MCU: variants seen among roughly 807,000 people sequenced by gnomAD.
MCU encodes the protein mitochondrial calcium uniporter, also known as calcium uniporter protein, mitochondrial.
Under a neutral mutation model 45.2 loss-of-function variants are expected in MCU, and 12 were observed. The observed-to-expected ratio is 0.27, with a 90% CI of 0.17 to 0.43. The LOEUF (loss-of-function observed/expected upper bound fraction) is 0.43. Among genes scored for constraint, MCU ranks in the 20% least tolerant of loss-of-function variants. The pLI is 1.00. For missense variants in MCU, 324 were observed against 436.7 expected, an observed-to-expected ratio of 0.74 and a Z score of 2.30; for synonymous variants, 160 against 165.1, an observed-to-expected ratio of 0.97 and a Z score of 0.24.
At chr10:72,746,274 T>A (rs1679207213) in intron 1 of MCU, among the ~76,000 whole-genome samples, 1 of 152,248 alleles carries the variant, frequency 6.6e-6, no homozygotes, top group African/African-American at 2.4e-5. Context: ...CATAAAATAC[T>A]TGAATTATAG....
Position 72,870,256 on chromosome 10 carries a change from AT to A in MCU, c.658-1119del, listed in dbSNP as rs562454151. On this transcript the variant is annotated intron_variant, in intron 5 of 7. Transcript: ENST00000373053. ...ATAGAATATTTACTGTGTTTCATGA[AT>A]TGTGCTAGTATTTTACCTATATTTT... Among the ~76,000 whole-genome samples, 128 of 152,188 alleles carry A rather than the reference AT, an allele frequency of 8.4e-4. 1 individual carries two copies. Among genetic ancestry groups the A allele is most frequent in the Non-Finnish European group, 6.3e-4 (43 of 67,968 alleles).
Position 72,703,076 on chromosome 10 carries a change from C to T in MCU, c.150+10775C>T, listed in dbSNP as rs74321992. On this transcript the variant is annotated intron_variant, in intron 1 of 7. Transcript: ENST00000373053. ...GGGCAGCACCAATCTGACATGACCT[C>T]ATGAGGGAGTAAGATGTATTTGAGA... Among the ~76,000 whole-genome samples, 1,315 of 152,050 alleles carry T rather than the reference C, an allele frequency of 8.6e-3. 9 individuals carry two copies. Among genetic ancestry groups the T allele is most frequent in the East Asian group, 0.026 (134 of 5,172 alleles).
At chr10:72,793,799 G>A (rs565427927) in intron 1 of MCU, among the ~76,000 whole-genome samples, 1 of 152,168 alleles carries the variant, frequency 6.6e-6, no homozygotes, top group South Asian at 2.1e-4. Flanking sequence ...CGGGTGTGTT[G>A]CTTTTCATGA....
intron 4 of MCU, among the ~76,000 whole-genome samples, chr10:72,866,402 T>A (rs1845457333): frequency 2.0e-5 from 3 of 151,970 alleles, no homozygotes; most frequent in Admixed American, 2.0e-4. Context: ...ATACTAGGGT[T>A]TTTTTGTGTT....
At chr10:72,738,460 G>A (rs1361068947) in intron 1 of MCU, among the ~76,000 whole-genome samples, 1 of 152,178 alleles carries the variant, frequency 6.6e-6, no homozygotes, top group Non-Finnish European at 1.5e-5. Context: ...AAAACAAAGA[G>A]CCTTTCTAGA....
At chr10:72,830,180 G>GT (rs1223398706) in intron 1 of MCU, among the ~76,000 whole-genome samples, 1 of 152,158 alleles carries the variant, frequency 6.6e-6, no homozygotes, top group Non-Finnish European at 1.5e-5. Context: ...AAGTAGTTGA[G>GT]TGGGGTATAG....
chr10:72,711,147 CTACCT>C (rs1842888542), intron 1 of MCU, among the ~76,000 whole-genome samples: 1 of 150,490 alleles, frequency 6.6e-6, no homozygotes, highest in Non-Finnish European at 1.5e-5. Flanking sequence ...CCATTGCACT[CTACCT>C]GGCAACAAGA....
chr10:72,749,002 C>T (rs1843456354), intron 1 of MCU, among the ~76,000 whole-genome samples: 1 of 152,152 alleles, frequency 6.6e-6, no homozygotes, highest in African/African-American at 2.4e-5. Context: ...TGGCTCACGC[C>T]TATAATCCGA....
intron 4 of MCU, among the ~76,000 whole-genome samples, chr10:72,866,283 T>C (rs1350000640): frequency 6.6e-6 from 1 of 152,172 alleles, no homozygotes; most frequent in Non-Finnish European, 1.5e-5. Flanking sequence ...ATGACATTCA[T>C]TGAATAAGCA....
intron 2 of MCU, among the ~76,000 whole-genome samples, chr10:72,837,401 G>T (rs1410057595): frequency 1.3e-5 from 2 of 152,128 alleles, no homozygotes; most frequent in African/African-American, 4.8e-5. Flanking sequence ...TAAATGTTTA[G>T]AGTGTAAGCT....
intron 2 of MCU, among the ~76,000 whole-genome samples, chr10:72,853,005 A>T (rs917833800): frequency 6.6e-6 from 1 of 152,204 alleles, no homozygotes; most frequent in Non-Finnish European, 1.5e-5. Flanking sequence ...GATTCTCTAG[A>T]TCTGTCCTAA....
intron 1 of MCU, among the ~76,000 whole-genome samples, chr10:72,781,309 G>T (rs923111153): frequency 6.6e-6 from 1 of 152,110 alleles, no homozygotes; most frequent in Non-Finnish European, 1.5e-5. Context: ...TCTTAGCCTG[G>T]GCTGCATGCT....
chr10:72,808,785 G>T (rs550171131), intron 1 of MCU, among the ~76,000 whole-genome samples: 1 of 152,302 alleles, frequency 6.6e-6, no homozygotes, highest in South Asian at 2.1e-4. Flanking sequence ...GCAGGAGAGA[G>T]AGAATGTGAA....
intron 5 of MCU, among the ~76,000 whole-genome samples, chr10:72,870,231 A>G (rs928808028): frequency 6.6e-6 from 1 of 152,118 alleles, no homozygotes; most frequent in Non-Finnish European, 1.5e-5. Flanking sequence ...TCATTTATAG[A>G]TAGAATATTT....
intron 1 of MCU, among the ~76,000 whole-genome samples, chr10:72,764,927 T>C (rs991122037): frequency 2.6e-5 from 4 of 152,060 alleles, no homozygotes; most frequent in African/African-American, 9.7e-5. Context: ...ATACGACTTA[T>C]ATTGATGTGA....
intron 1 of MCU, among the ~76,000 whole-genome samples, chr10:72,696,545 C>G (rs1842690279): frequency 6.6e-6 from 1 of 151,964 alleles, no homozygotes; most frequent in Non-Finnish European, 1.5e-5. Flanking sequence ...GTCTTCTGTC[C>G]TCTCTGAATT....
chr10:72,828,875 C>T (rs1221553625), intron 1 of MCU, among the ~76,000 whole-genome samples: 7 of 152,086 alleles, frequency 4.6e-5, no homozygotes, highest in South Asian at 2.1e-4. Flanking sequence ...CTGTGGCAGA[C>T]GTTATACTTT....
chr10:72,809,098 A>G (rs1216670879), intron 1 of MCU, among the ~76,000 whole-genome samples: 1 of 152,214 alleles, frequency 6.6e-6, no homozygotes, highest in East Asian at 1.9e-4. Context: ...GTGCATTCTG[A>G]TGGATATATT....
chr10:72,803,136 G>T (rs549138232), intron 1 of MCU, among the ~76,000 whole-genome samples: 2 of 152,104 alleles, frequency 1.3e-5, no homozygotes, highest in South Asian at 4.2e-4. Context: ...TTCCATCTGG[G>T]TAATCCATTT....
Sources: allele counts gnomAD v4.1 joint callset (sites outside exome capture counted in the v4.1 genomes callset), GRCh38; gene constraint gnomAD v4.1.1; transcripts MANE v1.5; gene names NCBI Gene and HGNC (gene_info 2026-07-23, HGNC 2026-07-21).